The following PLSCR4 variants were observed in gnomAD, a reference collection of about 807,000 sequenced individuals.
PLSCR4 encodes the protein Ca(2+)-dependent phospholipid scramblase 4.
Under a neutral mutation model 36.3 loss-of-function variants are expected in PLSCR4, and 25 were observed. The observed-to-expected ratio is 0.69, with a 90% CI of 0.50 to 0.96. PLSCR4 has a LOEUF of 0.96. Ranked by LOEUF, PLSCR4 falls within the 40% of genes least tolerant of loss-of-function variation. The probability of loss-of-function intolerance (pLI) is 0.00; values close to 1 mark genes in which losing one functional copy is unlikely to be tolerated. For missense variants in PLSCR4, 408 were observed against 414.7 expected, an observed-to-expected ratio of 0.98 and a Z score of 0.14; for synonymous variants, 122 against 132.9, an observed-to-expected ratio of 0.92 and a Z score of 0.56.
chr3:146,211,305 G>C (rs558778204), intron 3 of PLSCR4, among the ~76,000 whole-genome samples: 3 of 151,972 alleles, frequency 2.0e-5, no homozygotes, highest in Non-Finnish European at 2.9e-5. Context: ...GATTACTAAT[G>C]ATGTTCAGCA....
intron 3 of PLSCR4, among the ~76,000 whole-genome samples, chr3:146,209,544 T>G (rs933856768): frequency 3.3e-5 from 5 of 152,078 alleles, no homozygotes; most frequent in Non-Finnish European, 5.9e-5. Context: ...TTTCACTATG[T>G]TTTTTTAAAG....
intron 1 of PLSCR4, among the ~76,000 whole-genome samples, chr3:146,246,013 A>G (rs1221075634): frequency 1.3e-5 from 2 of 152,094 alleles, no homozygotes; most frequent in Non-Finnish European, 2.9e-5. Context: ...TTAAAGTCCA[A>G]TGACTGAAGG....
chr3:146,247,897 C>G (rs1279335523), intron 1 of PLSCR4, among the ~76,000 whole-genome samples: 2 of 152,168 alleles, frequency 1.3e-5, no homozygotes, highest in Non-Finnish European at 2.9e-5. Flanking sequence ...ACTGTGATAA[C>G]GGGCGTGAGC....
intron 3 of PLSCR4, among the ~76,000 whole-genome samples, 187 bp downstream of exon 3, chr3:146,220,628 C>T (rs2035088970): frequency 6.6e-6 from 1 of 152,144 alleles, no homozygotes; most frequent in South Asian, 2.1e-4. Flanking sequence ...CATCTAAAAG[C>T]CTGTAAATCC....
chr3:146,236,103 C>A (rs760929728), intron 1 of PLSCR4, among the ~76,000 whole-genome samples: 2 of 151,268 alleles, frequency 1.3e-5, no homozygotes, highest in Admixed American at 6.6e-5. Context: ...GAAAAAAAAA[C>A]CATTTTCAGG....
At chr3:146,237,501 T>G (rs1425106942) in intron 1 of PLSCR4, among the ~76,000 whole-genome samples, 1 of 152,090 alleles carries the variant, frequency 6.6e-6, no homozygotes, top group African/African-American at 2.4e-5. Flanking sequence ...CTCAATAAAT[T>G]TTTAAAAACT....
At chr3:146,214,692 A>T (rs2034811886) in intron 3 of PLSCR4, among the ~76,000 whole-genome samples, 1 of 152,264 alleles carries the variant, frequency 6.6e-6, no homozygotes, top group Admixed American at 6.5e-5. Context: ...GTAGAATGCC[A>T]TATGTTTCAA....
At chr3:146,206,842 A>C in intron 3 of PLSCR4, 81 bp from the exon 4 acceptor site, 1 of 850,632 alleles carries the variant, frequency 1.2e-6, no homozygotes, top group Non-Finnish European at 1.8e-6. Flanking sequence ...GAAATAGATC[A>C]CACGACATCC....
At chr3:146,201,445 T>C (rs989827798) in intron 4 of PLSCR4, among the ~76,000 whole-genome samples, 1 of 152,082 alleles carries the variant, frequency 6.6e-6, no homozygotes, top group South Asian at 2.1e-4. Flanking sequence ...ATCCATAGCC[T>C]GTAGTTGTTT....
chr3:146,210,189 T>C (rs145757005), intron 3 of PLSCR4, among the ~76,000 whole-genome samples: 2,036 of 152,250 alleles, frequency 0.013, 32 homozygotes, highest in African/African-American at 0.04. Context: ...TAATTTTTAT[T>C]GTCATTTTTA....
chr3:146,198,560 CT>C (rs1037915784), intron 6 of PLSCR4, among the ~76,000 whole-genome samples: 15 of 151,972 alleles, frequency 9.9e-5, no homozygotes, highest in African/African-American at 3.6e-4. Context: ...ATCACCAGGC[CT>C]GGCTAATTTT....
chr3:146,250,098 T>C (rs568290072), intron 1 of PLSCR4, among the ~76,000 whole-genome samples: 1 of 152,220 alleles, frequency 6.6e-6, no homozygotes, highest in African/African-American at 2.4e-5. Flanking sequence ...CACTCGCCCA[T>C]AGAATTCACA....
intron 1 of PLSCR4, among the ~76,000 whole-genome samples, chr3:146,249,166 C>T (rs904616816): frequency 2.0e-5 from 3 of 151,978 alleles, no homozygotes; most frequent in East Asian, 1.9e-4. Context: ...TAATAAAAAT[C>T]ATGTCCCTAA....
In PLSCR4 at chr3:146,225,672, C is replaced by T. The variant is rs570931223; in HGVS notation, c.-21-3580G>A. Among the ~76,000 whole-genome samples, 57 of 152,098 alleles carry T rather than the reference C, an allele frequency of 3.7e-4. 5 individuals are homozygous for T. The South Asian group carries it at 8.9e-3, about 24-fold the overall frequency. On this transcript the variant is annotated intron_variant, in intron 1 of 8. Transcript: ENST00000354952. ...ACTACACCCTCCGCAGCCACTGGCC[C>T]AGGAGCTAAGTCCCTCATTGCCCGG...
intron 1 of PLSCR4, among the ~76,000 whole-genome samples, chr3:146,224,746 C>T (rs886269703): frequency 6.6e-6 from 1 of 152,076 alleles, no homozygotes; most frequent in African/African-American, 2.4e-5. Context: ...CCCACCCACA[C>T]CCTGCTGATT....
At chr3:146,238,564 G>GA (rs1414892083) in intron 1 of PLSCR4, among the ~76,000 whole-genome samples, 1 of 151,768 alleles carries the variant, frequency 6.6e-6, no homozygotes, top group Non-Finnish European at 1.5e-5. Context: ...ATAGATGACA[G>GA]AAAAAATATT....
intron 1 of PLSCR4, among the ~76,000 whole-genome samples, chr3:146,234,971 C>T (rs1387607591): frequency 6.6e-6 from 1 of 152,148 alleles, no homozygotes; most frequent in Non-Finnish European, 1.5e-5. Context: ...GAACTTTTGG[C>T]CTCAATCCAA....
intron 6 of PLSCR4, among the ~76,000 whole-genome samples, 200 bp downstream of exon 6, chr3:146,199,613 C>A (rs963457370): frequency 1.3e-5 from 2 of 152,070 alleles, no homozygotes; most frequent in Admixed American, 1.3e-4. Context: ...TATTTAAGCA[C>A]TAAAAAGTAG....
chr3:146,201,479 C>T (rs16858035), intron 4 of PLSCR4, among the ~76,000 whole-genome samples: 7,779 of 152,084 alleles, frequency 0.051, 605 homozygotes, highest in African/African-American at 0.17. Context: ...ACGATTAACA[C>T]GGACCAGCCA....
Sources: allele counts gnomAD v4.1 joint callset (sites outside exome capture counted in the v4.1 genomes callset), GRCh38; gene constraint gnomAD v4.1.1; transcripts MANE v1.5; gene names NCBI Gene and HGNC (gene_info 2026-07-23, HGNC 2026-07-21).